COL11A1: variants seen among roughly 807,000 people sequenced by gnomAD.
COL11A1 encodes the protein collagen alpha-1(XI) chain.
COL11A1 carries 74 observed loss-of-function variants against 265.2 expected under a neutral mutation model. That is an observed-to-expected ratio of 0.28 (90% CI 0.23 to 0.34). COL11A1 has a LOEUF of 0.34. Among genes scored for constraint, COL11A1 ranks in the 10% least tolerant of loss-of-function variants. The pLI is 1.00. For synonymous variants in COL11A1, 816 were observed against 727.6 expected (o/e 1.12, Z -1.96); for missense variants, 2,165 against 2,263.6 (o/e 0.96, Z 0.88).
intron 4 of COL11A1, among the ~76,000 whole-genome samples, chr1:103,046,287 GA>G (rs1333493941): frequency 6.5e-4 from 10 of 15,344 alleles, no homozygotes; most frequent in East Asian, 9.6e-3. Flanking sequence ...CCTTTTTAAT[GA>G]TTGCCATTCT....
chr1:103,001,486 A>G, intron 24 of COL11A1: 1 of 425,730 alleles, frequency 2.3e-6, no homozygotes. Flanking sequence ...TTGAGTTATT[A>G]ACAAGAACAT....
chr1:103,021,770 C>T lies in COL11A1; in HGVS notation c.1246-1G>A. 6.2e-7 allele frequency: 1 copy of T among 1,605,318 alleles called. No homozygotes were observed. ...CTCCATATGCACCATGGCCATTTAT[C>T]TGTTGAATGAAATATTCAAAACAGC... On this transcript the variant is annotated splice_acceptor_variant, in intron 8 of 66. Transcript: ENST00000370096. LOFTEE classifies it high-confidence loss of function.
At chr1:103,071,101 G>A (rs1671550557) in intron 4 of COL11A1, among the ~76,000 whole-genome samples, 1 of 151,860 alleles carries the variant, frequency 6.6e-6, no homozygotes, top group South Asian at 2.1e-4. Context: ...TTAAAAAAAT[G>A]CAAAATGTCC....
At chr1:102,934,360 A>T in intron 46 of COL11A1, 89 bp downstream of exon 46, 2 of 946,984 alleles carry the variant, frequency 2.1e-6, no homozygotes, top group Admixed American at 2.0e-5. Flanking sequence ...GTAGAAAAAA[A>T]GAAAAAAATA....
At chr1:102,986,589 A>G (rs1663577298) in intron 30 of COL11A1, among the ~76,000 whole-genome samples, 1 of 152,172 alleles carries the variant, frequency 6.6e-6, no homozygotes, top group Non-Finnish European at 1.5e-5. Flanking sequence ...TGTTGTAGAA[A>G]ATATAGACAT....
intron 54 of COL11A1, among the ~76,000 whole-genome samples, chr1:102,903,419 A>G (rs746294419): frequency 6.6e-6 from 1 of 152,084 alleles, no homozygotes; most frequent in Non-Finnish European, 1.5e-5. Flanking sequence ...ATTTCTTGTC[A>G]TTGCTACTTC....
chr1:103,064,834 G>T (rs949391258), intron 4 of COL11A1, among the ~76,000 whole-genome samples: 2 of 144,502 alleles, frequency 1.4e-5, no homozygotes, highest in South Asian at 2.2e-4. Context: ...TATAGAGGCA[G>T]TAAAAAAAAA....
chr1:103,082,919 T>C lies in COL11A1; in HGVS notation c.160A>G (p.Ile54Val). ...GTGCAAAATCCCGTTGTTTTTGATATTCCCTCTGGAGAATTGTGAAAATCT... is the reference window on the plus strand; with the variant it reads ...GTGCAAAATCCCGTTGTTTTTGATACTCCCTCTGGAGAATTGTGAAAATCT... Reference protein sequence around the residue: ...ALDFHNSPEGISKTTGFCTNR... With the variant: ...ALDFHNSPEGVSKTTGFCTNR... The change falls in exon 2 of 67, where the codon ATA becomes GTA. Residue 54 changes from isoleucine to valine, a missense_variant. Ile to Val is a conservative substitution (Grantham distance 29). Coordinates refer to ENST00000370096, the MANE Select transcript of COL11A1 (RefSeq NM_001854.4). 3.1e-6 allele frequency: 5 copies of C among 1,613,554 alleles called. No homozygotes were observed. Among genetic ancestry groups the C allele is most frequent in the East Asian group, 2.2e-5 (1 of 44,830 alleles).
chr1:102,919,452 C>T (rs1305815612), intron 49 of COL11A1, among the ~76,000 whole-genome samples: 1 of 151,562 alleles, frequency 6.6e-6, no homozygotes, highest in African/African-American at 2.4e-5. Flanking sequence ...GAAAGGAAAT[C>T]ATTTTTAAGA....
intron 9 of COL11A1, among the ~76,000 whole-genome samples, chr1:103,019,159 C>A (rs1020419193): frequency 6.6e-6 from 1 of 152,104 alleles, no homozygotes; most frequent in Non-Finnish European, 1.5e-5. Context: ...ACAAAACAAT[C>A]TACCAAGGTT....
At chr1:102,893,585 A>G (rs1652032704) in intron 57 of COL11A1, among the ~76,000 whole-genome samples, 2 of 152,122 alleles carry the variant, frequency 1.3e-5, no homozygotes, top group African/African-American at 4.8e-5. Flanking sequence ...GGAAATACAT[A>G]ATTCATAAGT....
chr1:103,017,784 T>C (rs772524854), intron 11 of COL11A1, 36 bp downstream of exon 11: 5 of 1,529,152 alleles, frequency 3.3e-6, no homozygotes, highest in Non-Finnish European at 4.5e-6. Context: ...CTGTATGACA[T>C]GCATTTGTAA....
intron 1 of COL11A1, among the ~76,000 whole-genome samples, chr1:103,094,817 A>G (rs1011667186): frequency 3.3e-5 from 5 of 152,096 alleles, no homozygotes; most frequent in Non-Finnish European, 7.4e-5. Flanking sequence ...AATGGTAGGC[A>G]TTAGTAATGA....
intron 11 of COL11A1, 31 bp from the exon 12 acceptor site, chr1:103,015,773 A>T: frequency 7.2e-7 from 1 of 1,379,954 alleles, no homozygotes; most frequent in South Asian, 1.3e-5. Flanking sequence ...ACCAAAATAA[A>T]TAAATATCAA....
At chr1:102,968,588 G>T (rs1018249633) in intron 37 of COL11A1, among the ~76,000 whole-genome samples, 2 of 152,136 alleles carry the variant, frequency 1.3e-5, no homozygotes, top group Non-Finnish European at 2.9e-5. Flanking sequence ...GGCAAAGAAT[G>T]CCCACTCTAG....
chr1:103,078,274 C>T (rs1672131129), intron 3 of COL11A1, among the ~76,000 whole-genome samples: 1 of 152,070 alleles, frequency 6.6e-6, no homozygotes, highest in Non-Finnish European at 1.5e-5. Flanking sequence ...TATTGGCTTC[C>T]TGCTTCTCCT....
At chr1:102,909,939 TATC>T (rs1177346475) in intron 54 of COL11A1, among the ~76,000 whole-genome samples, 2 of 152,060 alleles carry the variant, frequency 1.3e-5, no homozygotes, top group African/African-American at 2.4e-5. Flanking sequence ...TGCATTATAT[TATC>T]ATGATTTTAA....
At chr1:102,964,242 T>C (rs770948512) in intron 38 of COL11A1, among the ~76,000 whole-genome samples, 3 of 152,204 alleles carry the variant, frequency 2.0e-5, no homozygotes, top group Admixed American at 6.5e-5. Flanking sequence ...CATTTCTGTT[T>C]ATGGATATTA....
intron 1 of COL11A1, among the ~76,000 whole-genome samples, chr1:103,094,616 G>A (rs533301630): frequency 6.6e-6 from 1 of 152,040 alleles, no homozygotes; most frequent in East Asian, 1.9e-4. Context: ...TCAACATGAA[G>A]ATGATGATGA....
Sources: allele counts gnomAD v4.1 joint callset (sites outside exome capture counted in the v4.1 genomes callset), GRCh38; gene constraint gnomAD v4.1.1; transcripts MANE v1.5; gene names NCBI Gene and HGNC (gene_info 2026-07-23, HGNC 2026-07-21).